The following PBX1 variants were observed in gnomAD, a reference collection of about 807,000 sequenced individuals.
The protein encoded by PBX1 is PBX homeobox 1.
A neutral mutation model predicts 53.4 loss-of-function variants in PBX1; 6 were observed. That is an observed-to-expected ratio of 0.11 (90% CI 0.06 to 0.22). PBX1 has a LOEUF of 0.22. PBX1 is among the 10% of genes least tolerant of loss of function. PBX1 has a pLI of 1.00. For synonymous variants in PBX1, 204 were observed against 212.3 expected, an observed-to-expected ratio of 0.96 and a Z score of 0.34; for missense variants, 251 against 551.4, an observed-to-expected ratio of 0.46 and a Z score of 5.46.
chr1:164,799,936 C>G (rs1164653136), intron 4 of PBX1, 47 bp downstream of exon 4: 3 of 1,548,942 alleles, frequency 1.9e-6, no homozygotes, highest in African/African-American at 1.4e-5. Context: ...AGTCCCTGAT[C>G]TGGGGCTGGA....
At chr1:164,727,687 C>T (rs999641381) in intron 2 of PBX1, among the ~76,000 whole-genome samples, 2 of 152,176 alleles carry the variant, frequency 1.3e-5, no homozygotes, top group African/African-American at 4.8e-5. Context: ...CGGCCACTGC[C>T]ACATCTGCTA....
chr1:164,616,501 A>G (rs909935641), intron 2 of PBX1, among the ~76,000 whole-genome samples: 1 of 152,236 alleles, frequency 6.6e-6, no homozygotes, highest in African/African-American at 2.4e-5. Flanking sequence ...GAAATATACC[A>G]GTAAAATGAG....
At chr1:164,567,082 G>A (rs1429877897) in intron 2 of PBX1, among the ~76,000 whole-genome samples, 4 of 150,978 alleles carry the variant, frequency 2.6e-5, no homozygotes, top group African/African-American at 7.3e-5. Context: ...TATTATTCTC[G>A]CCTGCCACTT....
chr1:164,870,706 T>G (rs1341002371), intron 2 of PBX1, among the ~76,000 whole-genome samples: 1 of 152,158 alleles, frequency 6.6e-6, no homozygotes, highest in Non-Finnish European at 1.5e-5. Flanking sequence ...TTCTAACATT[T>G]CTCTAGCTCT....
At chr1:164,859,741 T>G (rs1672055132) in intron 2 of PBX1, among the ~76,000 whole-genome samples, 1 of 152,200 alleles carries the variant, frequency 6.6e-6, no homozygotes, top group African/African-American at 2.4e-5. Flanking sequence ...ACCTCCTATG[T>G]GCCAGGCACT....
At chr1:164,774,855 G>A (rs557177990) in intron 2 of PBX1, among the ~76,000 whole-genome samples, 1 of 152,176 alleles carries the variant, frequency 6.6e-6, no homozygotes, top group Non-Finnish European at 1.5e-5. Flanking sequence ...CCATGGCCCA[G>A]CAGGAATATA....
chr1:164,793,043 G>A (rs1349033866), intron 3 of PBX1, among the ~76,000 whole-genome samples: 1 of 152,212 alleles, frequency 6.6e-6, no homozygotes, highest in Admixed American at 6.5e-5. Flanking sequence ...ACTCCAGAAC[G>A]TGTGTCTGTG....
At chr1:164,709,118 G>A (rs996232724) in intron 2 of PBX1, among the ~76,000 whole-genome samples, 21 of 152,122 alleles carry the variant, frequency 1.4e-4, no homozygotes, top group East Asian at 1.9e-4. Context: ...TGTCAGTGAC[G>A]TGGCAGACAC....
intron 8 of PBX1, 51 bp downstream of exon 8, chr1:164,821,677 C>G (rs1201932440): frequency 7.2e-7 from 1 of 1,390,916 alleles, no homozygotes; most frequent in Non-Finnish European, 1.0e-6. Flanking sequence ...TCTTTCACTA[C>G]CAATTATTTC....
At chr1:164,582,586 C>A (rs1315066080) in intron 2 of PBX1, among the ~76,000 whole-genome samples, 25 of 152,160 alleles carry the variant, frequency 1.6e-4, no homozygotes, top group Admixed American at 1.6e-3. Context: ...CCACACCCAG[C>A]TAATTTTTGT....
intron 2 of PBX1, among the ~76,000 whole-genome samples, chr1:164,751,292 G>C (rs563792890): frequency 5.4e-5 from 8 of 148,154 alleles, no homozygotes; most frequent in African/African-American, 2.0e-4. Context: ...TCCAGCCTGG[G>C]TGACAGAGTG....
chr1:164,637,615 G>A (rs1658858616), intron 2 of PBX1, among the ~76,000 whole-genome samples: 1 of 152,188 alleles, frequency 6.6e-6, no homozygotes, highest in Non-Finnish European at 1.5e-5. Flanking sequence ...CTGCTGAGGA[G>A]TGACAGATTG....
At chr1:164,746,148 T>C (rs747156214) in intron 2 of PBX1, among the ~76,000 whole-genome samples, 6 of 152,194 alleles carry the variant, frequency 3.9e-5, no homozygotes, top group Admixed American at 1.3e-4. Context: ...AAAGTCAGCT[T>C]TTAAGTTTCA....
At chr1:164,852,365 C>T (rs1462127309), downstream of PBX1, among the ~76,000 whole-genome samples, 1 of 152,178 alleles carries the variant, frequency 6.6e-6, no homozygotes, top group Non-Finnish European at 1.5e-5. Context: ...CCTACCATCC[C>T]AAAGGAGCAT....
At chr1:164,722,931 G>A (rs1371592190) in intron 2 of PBX1, among the ~76,000 whole-genome samples, 1 of 152,170 alleles carries the variant, frequency 6.6e-6, no homozygotes, top group African/African-American at 2.4e-5. Flanking sequence ...CCTGTTAACA[G>A]TAAGCATGGA....
At chr1:164,870,242 C>T (rs926326589) in intron 2 of PBX1, among the ~76,000 whole-genome samples, 2 of 55,428 alleles carry the variant, frequency 3.6e-5, no homozygotes, top group Non-Finnish European at 7.1e-5. Context: ...TCCTTCCTTC[C>T]TTCCTTCCTT....
At chr1:164,766,730 ATTTATTTAT>A (rs1239779563) in intron 2 of PBX1, among the ~76,000 whole-genome samples, 1 of 121,494 alleles carries the variant, frequency 8.2e-6, no homozygotes, top group Non-Finnish European at 1.8e-5. Flanking sequence ...TTATTTATTT[ATTTATTTAT>A]TTTTTTTTTT....
chr1:164,674,723 T>C (rs2101980920), intron 2 of PBX1: 1 of 152,162 alleles, frequency 6.6e-6, no homozygotes, highest in Admixed American at 6.5e-5. Flanking sequence ...AACTACCCAC[T>C]CTACCAAGTT....
chr1:164,798,242 T>C (rs1442658787), intron 3 of PBX1, among the ~76,000 whole-genome samples: 1 of 152,270 alleles, frequency 6.6e-6, no homozygotes, highest in East Asian at 1.9e-4. Flanking sequence ...ATTGTTATTG[T>C]TATTGCGTTG....
Sources: gnomAD v4.1 joint callset for allele counts (sites outside exome capture counted in the v4.1 genomes callset) on GRCh38, gnomAD v4.1.1 for gene constraint, MANE v1.5 for transcripts, NCBI Gene and HGNC (gene_info 2026-07-23, HGNC 2026-07-21) for gene names.